The following BIRC6 variants were observed in gnomAD, a reference collection of about 807,000 sequenced individuals.
BIRC6 encodes the protein baculoviral IAP repeat containing 6, also known as dual E2 ubiquitin-conjugating enzyme/E3 ubiquitin-protein ligase BIRC6.
Under a neutral mutation model 503.3 loss-of-function variants are expected in BIRC6, and 98 were observed. That is an observed-to-expected ratio of 0.19 (90% confidence interval 0.17 to 0.23). BIRC6 has a LOEUF of 0.23. Among genes scored for constraint, BIRC6 ranks in the 10% least tolerant of loss-of-function variants. The pLI is 1.00. For synonymous variants in BIRC6, 2,240 were observed against 2,078.7 expected, an observed-to-expected ratio of 1.08 and a Z score of -2.11; for missense variants, 5,360 against 5,806.0, an observed-to-expected ratio of 0.92 and a Z score of 2.50.
chr2:32,422,662 A>G (rs1358416245), intron 10 of BIRC6, among the ~76,000 whole-genome samples: 1 of 152,100 alleles, frequency 6.6e-6, no homozygotes, highest in Admixed American at 6.5e-5. Context: ...AACATATTTT[A>G]TTGATTTTGC....
chr2:32,510,110 T>A, intron 52 of BIRC6, 116 bp downstream of exon 52: 1 of 1,210,106 alleles, frequency 8.3e-7, no homozygotes, highest in Non-Finnish European at 1.1e-6. Context: ...TTAGTTTATG[T>A]TTATCTCTCC....
At chr2:32,540,723 A>G (rs1036470474) in intron 61 of BIRC6, among the ~76,000 whole-genome samples, 1 of 151,936 alleles carries the variant, frequency 6.6e-6, no homozygotes, top group Non-Finnish European at 1.5e-5. Flanking sequence ...TGTATTTTGA[A>G]ATTAATCTTT....
At chr2:32,397,596 G>A (rs1008334933) in intron 6 of BIRC6, among the ~76,000 whole-genome samples, 3 of 141,228 alleles carry the variant, frequency 2.1e-5, no homozygotes, top group African/African-American at 5.6e-5. Flanking sequence ...GTGTGTGTGT[G>A]TGTGTGTGTA....
At chr2:32,428,171 C>T (rs2043730644) in intron 10 of BIRC6, among the ~76,000 whole-genome samples, 2 of 152,196 alleles carry the variant, frequency 1.3e-5, no homozygotes, top group African/African-American at 4.8e-5. Flanking sequence ...TTTGCATAGG[C>T]ATAGAGGCTT....
chr2:32,456,369 G>T (rs1298186670), intron 23 of BIRC6, among the ~76,000 whole-genome samples: 1 of 152,046 alleles, frequency 6.6e-6, no homozygotes, highest in African/African-American at 2.4e-5. Flanking sequence ...TTGCTGTTTA[G>T]GATTCTTTTG....
At chr2:32,568,982 C>CTTTTTTTTTTT (rs199909930) in intron 65 of BIRC6, among the ~76,000 whole-genome samples, 1 of 131,356 alleles carries the variant, frequency 7.6e-6, no homozygotes. Context: ...CCATGTCTCT[C>CTTTTTTTTTTT]TCTTTTTTTT....
intron 68 of BIRC6, among the ~76,000 whole-genome samples, chr2:32,595,983 T>C (rs1198595407): frequency 6.6e-6 from 1 of 152,170 alleles, no homozygotes; most frequent in Non-Finnish European, 1.5e-5. Flanking sequence ...AGTAATAATA[T>C]TAACTTGGTT....
intron 65 of BIRC6, among the ~76,000 whole-genome samples, chr2:32,551,995 A>G (rs1450340846): frequency 4.6e-5 from 7 of 152,216 alleles, no homozygotes; most frequent in Non-Finnish European, 1.0e-4. Flanking sequence ...ACGCAGGCCT[A>G]ACATAATAGC....
At chr2:32,463,088 G>C (rs2048177992) in intron 23 of BIRC6, 106 bp from the exon 24 acceptor site, 2 of 826,752 alleles carry the variant, frequency 2.4e-6, no homozygotes, top group African/African-American at 3.5e-5. Context: ...ATTAACTATA[G>C]TTTTAGCATC....
intron 57 of BIRC6, among the ~76,000 whole-genome samples, chr2:32,524,464 G>A (rs1394988948): frequency 6.6e-6 from 1 of 152,160 alleles, no homozygotes; most frequent in African/African-American, 2.4e-5. Context: ...GCCATATACA[G>A]ATTATATCAG....
At chr2:32,432,036 T>A (rs1175499549) in intron 12 of BIRC6, among the ~76,000 whole-genome samples, 1 of 152,262 alleles carries the variant, frequency 6.6e-6, no homozygotes, top group East Asian at 1.9e-4. Flanking sequence ...GAGGACTATA[T>A]TTTGTGAGTT....
At chr2:32,385,674 A>G (rs547259723) in intron 3 of BIRC6, among the ~76,000 whole-genome samples, 11 of 152,216 alleles carry the variant, frequency 7.2e-5, no homozygotes, top group African/African-American at 2.7e-4. Flanking sequence ...TGTCATTGAA[A>G]GTGCTCTTAA....
Position 32,416,023 on chromosome 2 carries a change from A to G in BIRC6, c.2732A>G (p.Tyr911Cys), listed in dbSNP as rs1159508417. ...CTGGTAATAACCACTCAGGGAGGAT[A>G]TGTAAAAATACTAGATCTTTCAAAC... ...GHLVITTQGG[Y>C]VKILDLSNFE... The change falls in exon 10 of 74, where the codon TAT becomes TGT. Residue 911 changes from tyrosine (Y) to cysteine (C), a missense_variant. Coordinates refer to ENST00000421745, the MANE Select transcript of BIRC6 (RefSeq NM_016252.4). The G allele has an allele frequency of 1.2e-6, 2 of 1,613,986 alleles. No individual in the cohort carries two copies. The highest frequency in any genetic ancestry group is 2.2e-5 in the East Asian group (1 of 44,882).
intron 15 of BIRC6, among the ~76,000 whole-genome samples, chr2:32,436,698 G>C (rs2044747250): frequency 6.6e-6 from 1 of 151,926 alleles, no homozygotes; most frequent in African/African-American, 2.4e-5. Flanking sequence ...TCTTGCCTCA[G>C]CCTCCCAAGT....
At chr2:32,428,218 C>G (rs534049668) in intron 10 of BIRC6, among the ~76,000 whole-genome samples, 9 of 152,292 alleles carry the variant, frequency 5.9e-5, no homozygotes, top group Non-Finnish European at 1.0e-4. Flanking sequence ...TCGGCTCCCT[C>G]TGGTCTTTGC....
chr2:32,602,199 A>G (rs1027249881), intron 70 of BIRC6, among the ~76,000 whole-genome samples: 3 of 152,212 alleles, frequency 2.0e-5, no homozygotes, highest in Non-Finnish European at 4.4e-5. Flanking sequence ...GCGGCCATCA[A>G]CAGGTGAATG....
chr2:32,473,706 CGTGTGTGTGTGTGT>C (rs70938348), intron 33 of BIRC6, among the ~76,000 whole-genome samples: 988 of 72,698 alleles, frequency 0.014, 10 homozygotes, highest in Non-Finnish European at 0.016. Flanking sequence ...TCTCCTTTTT[CGTGTGTGTGTGTGT>C]GTGTGTGTGT....
At chr2:32,392,774 G>A (rs1478366764) in intron 5 of BIRC6, among the ~76,000 whole-genome samples, 1 of 151,340 alleles carries the variant, frequency 6.6e-6, no homozygotes, top group Non-Finnish European at 1.5e-5. Flanking sequence ...ACAGGTGTGT[G>A]CCACTGGGCC....
Position 32,617,885 on chromosome 2 carries a change from C to T in BIRC6, c.14555C>T (p.Pro4852Leu), listed in dbSNP as rs766178278. ...AAACCCAGCAGCAGCAAAGAACTCC[C>T]CAGTGACTTCCAGTTATGAGCTGCA... ...QVKPSSSKEL[P>L]SDFQL The change falls in exon 74 of 74, where the codon CCC becomes CTC. Residue 4852 changes from proline to leucine, a missense_variant. By Grantham distance (98) the Pro-to-Leu change is moderately conservative (BLOSUM62 -3). This residue lies in a region of BIRC6 where 140 missense variants were observed against 130.2 expected (regional missense o/e 1.07). Transcript: ENST00000421745. 8.7e-6 allele frequency: 14 copies of T among 1,613,048 alleles called. No individual in the cohort carries two copies. Among genetic ancestry groups the T allele is most frequent in the African/African-American group, 1.3e-5 (1 of 74,912 alleles).
Sources: gnomAD v4.1 joint callset for allele counts (sites outside exome capture counted in the v4.1 genomes callset) on GRCh38, gnomAD v4.1.1 for gene constraint, gnomAD v4.1.1 regional missense constraint, MANE v1.5 for transcripts, NCBI Gene and HGNC (gene_info 2026-07-23, HGNC 2026-07-21) for gene names.